NKAIN3: variants seen among roughly 807,000 people sequenced by gnomAD.
NKAIN3 encodes sodium/potassium transporting ATPase interacting 3.
In NKAIN3, 25 loss-of-function variants were observed where a neutral mutation model predicts 30.2. That is an observed-to-expected ratio of 0.83 (90% CI 0.60 to 1.16). The LOEUF (loss-of-function observed/expected upper bound fraction) is 1.16, where lower values mean the gene tolerates loss of function less well. NKAIN3 is among the 50% of genes most tolerant of loss of function. NKAIN3 has a pLI of 0.00. For synonymous variants in NKAIN3, 91 were observed against 89.6 expected (o/e 1.02, Z -0.09); for missense variants, 225 against 254.1 (o/e 0.89, Z 0.78).
At chr8:62,421,807 A>G (rs1804650668) in intron 1 of NKAIN3, among the ~76,000 whole-genome samples, 1 of 152,118 alleles carries the variant, frequency 6.6e-6, no homozygotes, top group Admixed American at 6.6e-5. Flanking sequence ...AGAACCTCAT[A>G]ATGTAGGTCC....
intron 3 of NKAIN3, among the ~76,000 whole-genome samples, chr8:62,662,629 A>T (rs75998461): frequency 0.093 from 14,196 of 152,242 alleles, 876 homozygotes; most frequent in East Asian, 0.26. Context: ...GGTAATTTTT[A>T]AAGTTAATAA....
At chr8:62,987,639 C>T (rs116104865), downstream of NKAIN3, among the ~76,000 whole-genome samples, 4 of 152,198 alleles carry the variant, frequency 2.6e-5, no homozygotes, top group African/African-American at 7.2e-5. Flanking sequence ...AGACCTCCCC[C>T]CCATGATTCA....
At chr8:62,602,849 A>G (rs1446216202) in intron 3 of NKAIN3, among the ~76,000 whole-genome samples, 1 of 152,116 alleles carries the variant, frequency 6.6e-6, no homozygotes, top group Non-Finnish European at 1.5e-5. Context: ...TTTATTTTTA[A>G]TGAGTCTATA....
At chr8:62,628,112 C>T (rs11997391) in intron 3 of NKAIN3, among the ~76,000 whole-genome samples, 362 of 152,224 alleles carry the variant, frequency 2.4e-3, no homozygotes, top group African/African-American at 8.0e-3. Context: ...GATTATTACA[C>T]TGCTTCACAG....
chr8:62,668,866 G>A (rs1000019643), intron 3 of NKAIN3, among the ~76,000 whole-genome samples: 1 of 152,104 alleles, frequency 6.6e-6, no homozygotes, highest in South Asian at 2.1e-4. Flanking sequence ...CCTTCAATCT[G>A]TCTATAAATT....
chr8:62,426,185 A>G (rs1804802736), intron 1 of NKAIN3, among the ~76,000 whole-genome samples: 1 of 151,976 alleles, frequency 6.6e-6, no homozygotes, highest in Non-Finnish European at 1.5e-5. Flanking sequence ...GATAATGAGA[A>G]CAGGGAAATC....
At chr8:62,725,525 A>G (rs1298433209) in intron 3 of NKAIN3, among the ~76,000 whole-genome samples, 1 of 152,100 alleles carries the variant, frequency 6.6e-6, no homozygotes, top group East Asian at 1.9e-4. Flanking sequence ...TTAACTCTTT[A>G]AGCCATTTTG....
chr8:62,432,839 C>T (rs1356154882), intron 1 of NKAIN3, among the ~76,000 whole-genome samples: 1 of 152,112 alleles, frequency 6.6e-6, no homozygotes, highest in Non-Finnish European at 1.5e-5. Context: ...TTTCACACTA[C>T]CTTATTCCTA....
At chr8:62,473,113 A>G (rs1321362845) in intron 1 of NKAIN3, 1 of 152,216 alleles carries the variant, frequency 6.6e-6, no homozygotes, top group African/African-American at 2.4e-5. Context: ...TTTTATTCAA[A>G]TTAAATACCT....
intron 4 of NKAIN3, among the ~76,000 whole-genome samples, chr8:62,817,622 T>C (rs1297679319): frequency 6.6e-6 from 1 of 152,112 alleles, no homozygotes; most frequent in Non-Finnish European, 1.5e-5. Flanking sequence ...TCTATGGGGA[T>C]GAATGCTTGT....
intron 1 of NKAIN3, among the ~76,000 whole-genome samples, chr8:62,348,204 A>G (rs989676256): frequency 6.6e-6 from 1 of 152,168 alleles, no homozygotes; most frequent in Admixed American, 6.6e-5. Flanking sequence ...GACATAAGAA[A>G]TACTTGGAAA....
chr8:62,255,290 A>G (rs1475822347), intron 1 of NKAIN3, among the ~76,000 whole-genome samples: 1 of 152,222 alleles, frequency 6.6e-6, no homozygotes, highest in Non-Finnish European at 1.5e-5. Flanking sequence ...AAAAGATGAC[A>G]GACAAGATGT....
At chr8:62,843,915 C>A (rs1354724780) in intron 4 of NKAIN3, among the ~76,000 whole-genome samples, 1 of 152,072 alleles carries the variant, frequency 6.6e-6, no homozygotes, top group Non-Finnish European at 1.5e-5. Context: ...CAATGTATAA[C>A]CTTTCTGCAC....
chr8:62,938,308 A>C (rs1822850473), intron 5 of NKAIN3, among the ~76,000 whole-genome samples: 1 of 152,044 alleles, frequency 6.6e-6, no homozygotes, highest in Non-Finnish European at 1.5e-5. Context: ...CCATAAAAGA[A>C]CAACTCATAA....
In NKAIN3 at chr8:62,936,153, C is replaced by T. The variant is rs572216265; in HGVS notation, c.532+17640C>T. Among the ~76,000 whole-genome samples, 3 of 152,226 alleles carry T rather than the reference C, an allele frequency of 2.0e-5. No homozygotes were observed. In the East Asian group the frequency reaches 5.8e-4, roughly 29 times the overall value. On this transcript the variant is annotated intron_variant, in intron 5 of 6. Transcript: ENST00000623646. ...TAATGCTTCTTCCTCATGGTAGTGG[C>T]TTGCAGAAGAACTTGGCCATCTTCG... is the stretch of plus-strand genomic sequence containing the variant.
At chr8:62,693,736 C>A (rs925076457) in intron 3 of NKAIN3, among the ~76,000 whole-genome samples, 1 of 152,162 alleles carries the variant, frequency 6.6e-6, no homozygotes, top group African/African-American at 2.4e-5. Context: ...CCTTTCTAAT[C>A]ACCTCCTGCA....
At chr8:62,956,767 A>T (rs1422235068) in intron 6 of NKAIN3, among the ~76,000 whole-genome samples, 1 of 152,198 alleles carries the variant, frequency 6.6e-6, no homozygotes, top group Non-Finnish European at 1.5e-5. Context: ...AGTGCTAGAG[A>T]TATAAAGATA....
chr8:62,354,784 G>A (rs572723804), intron 1 of NKAIN3, among the ~76,000 whole-genome samples: 1 of 152,256 alleles, frequency 6.6e-6, no homozygotes, highest in East Asian at 1.9e-4. Context: ...CAATGTATCA[G>A]CATCTGTATA....
Position 62,767,471 on chromosome 8 carries a change from A to G in NKAIN3, c.471+20342A>G, listed in dbSNP as rs540832052. Among the ~76,000 whole-genome samples, 18 of 152,286 alleles carry G rather than the reference A, an allele frequency of 1.2e-4. No homozygotes were observed. In the East Asian group the frequency reaches 3.5e-3, roughly 29 times the overall value. On this transcript the variant is annotated intron_variant, in intron 4 of 6. Transcript: ENST00000623646. ...GACACACGCAGATACAGACAGGCAG[A>G]CAGAGGATCCAGTTATGCTCAACCC...
Sources: gnomAD v4.1 joint callset for allele counts (sites outside exome capture counted in the v4.1 genomes callset) on GRCh38, gnomAD v4.1.1 for gene constraint, MANE v1.5 for transcripts, NCBI Gene and HGNC (gene_info 2026-07-23, HGNC 2026-07-21) for gene names.